Variants in FRMPD4 observed in about 807,000 individuals in gnomAD.
The protein encoded by FRMPD4 is FERM and PDZ domain containing 4, also known as FERM and PDZ domain-containing protein 4.
A neutral mutation model predicts 94.1 loss-of-function variants in FRMPD4; 22 were observed. The observed-to-expected ratio is 0.23, with a 90% CI of 0.17 to 0.33. FRMPD4 has a LOEUF of 0.33. Among genes scored for constraint, FRMPD4 ranks in the 10% least tolerant of loss-of-function variants. FRMPD4 has a pLI of 1.00. For synonymous variants in FRMPD4, 631 were observed against 548.6 expected (o/e 1.15, Z -2.10); for missense variants, 1,111 against 1,339.9 (o/e 0.83, Z 2.67).
chrX:12,332,207 TAG>T (rs531737337), intron 1 of FRMPD4, among the ~76,000 whole-genome samples: 2,605 of 59,497 alleles, frequency 0.044, 329 homozygotes, highest in African/African-American at 0.17. Context: ...TATATATATA[TAG>T]AGAGAGAGAG....
At chrX:12,632,974 A>G (rs1168082518) in intron 4 of FRMPD4, among the ~76,000 whole-genome samples, 1 of 112,247 alleles carries the variant, frequency 8.9e-6, no homozygotes, top group Non-Finnish European at 1.9e-5. Context: ...AAAAAGAGAA[A>G]AGGAAGCAGC....
At chrX:11,917,781 T>C (rs1294152080) in intron 3 of FRMPD4, among the ~76,000 whole-genome samples, 2 of 110,187 alleles carry the variant, frequency 1.8e-5, no homozygotes. Flanking sequence ...AAACTACCTA[T>C]TGGGTACTAT....
At chrX:12,165,313 T>C (rs1451743639) in intron 1 of FRMPD4, among the ~76,000 whole-genome samples, 2 of 112,575 alleles carry the variant, frequency 1.8e-5, no homozygotes, top group Non-Finnish European at 3.7e-5. Flanking sequence ...GGGAATCCTT[T>C]CCCCATTGCT....
At chrX:12,481,049 T>G (rs951855816) in intron 1 of FRMPD4, among the ~76,000 whole-genome samples, 1 of 111,490 alleles carries the variant, frequency 9.0e-6, no homozygotes, top group South Asian at 3.9e-4. Context: ...ACCCAATACC[T>G]TTGGGCCAGC....
chrX:12,521,037 G>A (rs776302707), intron 2 of FRMPD4, among the ~76,000 whole-genome samples: 10 of 112,267 alleles, frequency 8.9e-5, no homozygotes, highest in Non-Finnish European at 1.7e-4. Context: ...AACCAGAGAC[G>A]CTAAGTAAAT....
intron 1 of FRMPD4, among the ~76,000 whole-genome samples, chrX:12,478,348 C>T (rs757318638): frequency 2.4e-4 from 27 of 111,547 alleles, no homozygotes; most frequent in Non-Finnish European, 4.9e-4. Flanking sequence ...CCGAGGCAGG[C>T]AGATCGCATG....
chrX:12,610,246 TA>T lies in FRMPD4; in HGVS notation c.319+366del, dbSNP rs1232758511. On this transcript the variant is annotated intron_variant, in intron 3 of 16. Transcript: ENST00000675598. ...AAGTGGTTACAGTAGGATTTAGTCA[TA>T]GGGGTAGTTGGATTATTTCACAAGT... Among the ~76,000 whole-genome samples the T allele has an allele frequency of 7.1e-5, 8 of 112,258 alleles. No homozygotes were observed. In the East Asian group the frequency reaches 2.0e-3, roughly 27 times the overall value.
chrX:12,717,638 G>GCCA lies in FRMPD4; in HGVS notation c.2814_2816dup (p.Thr939dup). ...AGAAAACCTCTCCCGCATGTTCTTGGCCACTCACGAAGGCTACCACCCCCT... is the reference window on the plus strand; with the variant it reads ...AGAAAACCTCTCCCGCATGTTCTTGGCCACCACTCACGAAGGCTACCACCCCCT... On this transcript the variant is annotated inframe_insertion, in exon 16 of 17. Coordinates refer to ENST00000675598, the MANE Select transcript of FRMPD4 (RefSeq NM_001368397.1). 1 of 1,210,696 alleles carries GCCA rather than the reference G, an allele frequency of 8.3e-7. No individual in the cohort carries two copies. The highest frequency in any genetic ancestry group is 1.8e-5 in the South Asian group (1 of 56,947).
chrX:12,361,695 G>C, intron 1 of FRMPD4, among the ~76,000 whole-genome samples: 1 of 111,925 alleles, frequency 8.9e-6, no homozygotes. Context: ...ATATATTTCA[G>C]AGTATATTAG....
chrX:11,912,829 A>T (rs933324257), intron 3 of FRMPD4, among the ~76,000 whole-genome samples: 5 of 111,506 alleles, frequency 4.5e-5, no homozygotes, highest in African/African-American at 9.8e-5. Flanking sequence ...GCTTCTAGAC[A>T]GTAGAAAAAT....
chrX:12,480,333 GAAAAA>G (rs35074731), intron 1 of FRMPD4, among the ~76,000 whole-genome samples: 13 of 54,654 alleles, frequency 2.4e-4, no homozygotes, highest in Admixed American at 1.0e-3. Context: ...GAAAAGAAAT[GAAAAA>G]AAAAAAAAAA....
intron 1 of FRMPD4, among the ~76,000 whole-genome samples, chrX:12,386,636 CATGAAA>C (rs1237218504): frequency 8.9e-6 from 1 of 111,914 alleles, no homozygotes; most frequent in Non-Finnish European, 1.9e-5. Flanking sequence ...ATCATCTTTG[CATGAAA>C]ATGCCTTAGC....
intron 4 of FRMPD4, among the ~76,000 whole-genome samples, chrX:12,649,041 G>A (rs1006580146): frequency 8.9e-6 from 1 of 112,201 alleles, no homozygotes; most frequent in African/African-American, 3.2e-5. Flanking sequence ...CAGTAAGGTT[G>A]GGGCACACAC....
intron 9 of FRMPD4, among the ~76,000 whole-genome samples, chrX:12,699,184 C>G (rs1479758835): frequency 8.9e-6 from 1 of 111,826 alleles, no homozygotes; most frequent in Non-Finnish European, 1.9e-5. Context: ...GGCTCTCAAC[C>G]CCTTGGAGCT....
intron 1 of FRMPD4, among the ~76,000 whole-genome samples, chrX:12,329,948 A>C (rs1251787847): frequency 1.8e-5 from 2 of 110,124 alleles, no homozygotes; most frequent in Admixed American, 1.9e-4. Context: ...GCACTTTCAG[A>C]GATAAAGAAA....
chrX:12,263,905 A>G (rs2054233536), intron 1 of FRMPD4, among the ~76,000 whole-genome samples: 1 of 111,660 alleles, frequency 9.0e-6, no homozygotes. Flanking sequence ...AAGAGAGGGT[A>G]AGAGAGTGAG....
At chrX:12,235,840 A>G (rs34548909) in intron 1 of FRMPD4, among the ~76,000 whole-genome samples, 52,430 of 110,844 alleles carry the variant, frequency 0.47, 8,896 homozygotes, top group Non-Finnish European at 0.52. Flanking sequence ...TGGACAAGTT[A>G]CTTTCCTCTC....
chrX:12,539,823 G>A (rs113521199), intron 2 of FRMPD4, among the ~76,000 whole-genome samples: 3,773 of 110,988 alleles, frequency 0.034, 61 homozygotes, highest in Non-Finnish European at 0.051. Context: ...TAGTAGAGAC[G>A]GGTTTTCTCC....
intron 2 of FRMPD4, among the ~76,000 whole-genome samples, chrX:12,513,973 G>C (rs1413916706): frequency 2.7e-5 from 3 of 111,182 alleles, no homozygotes; most frequent in African/African-American, 9.8e-5. Flanking sequence ...TATTCTCTTT[G>C]TAGCAATCGT....
Sources: allele counts gnomAD v4.1 joint callset (sites outside exome capture counted in the v4.1 genomes callset), GRCh38; gene constraint gnomAD v4.1.1; transcripts MANE v1.5; gene names NCBI Gene and HGNC (gene_info 2026-07-23, HGNC 2026-07-21).